Variants in CYFIP2 observed in about 807,000 individuals in gnomAD.
CYFIP2 encodes the protein cytoplasmic FMR1-interacting protein 2.
Under a neutral mutation model 158.7 loss-of-function variants are expected in CYFIP2, and 29 were observed. That is an observed-to-expected ratio of 0.18 (90% CI 0.14 to 0.25). The LOEUF (loss-of-function observed/expected upper bound fraction) is 0.25. Among genes scored for constraint, CYFIP2 ranks in the 10% least tolerant of loss-of-function variants. CYFIP2 has a pLI of 1.00. For synonymous variants in CYFIP2, 585 were observed against 617.6 expected (o/e 0.95, Z 0.78); for missense variants, 852 against 1,639.5 (o/e 0.52, Z 8.29).
chr5:157,290,833 C>G (rs1282397304), intron 3 of CYFIP2, among the ~76,000 whole-genome samples: 1 of 152,164 alleles, frequency 6.6e-6, no homozygotes, highest in Non-Finnish European at 1.5e-5. Flanking sequence ...CTCCTGTCCC[C>G]ACTTGGGCAA....
intron 3 of CYFIP2, among the ~76,000 whole-genome samples, chr5:157,294,123 A>G (rs1375145128): frequency 6.6e-6 from 1 of 152,256 alleles, no homozygotes; most frequent in Non-Finnish European, 1.5e-5. Context: ...GATTATGGAA[A>G]GTATGCCTAC....
Position 157,302,782 on chromosome 5 carries a change from T to C in CYFIP2, c.570-12T>C. On this transcript the variant is annotated splice_polypyrimidine_tract_variant and intron_variant, in intron 6 of 30. Coordinates refer to ENST00000620254, the MANE Select transcript of CYFIP2 (RefSeq NM_001037333.3). ...ACAGTCCTCTCTGCAGCACCCACTA[T>C]CTGCGTTTCAGGGCAGCACAGTTCC... 6.4e-7 allele frequency: 1 copy of C among 1,565,554 alleles called. No homozygotes were observed. Among genetic ancestry groups the C allele is most frequent in the Non-Finnish European group, 8.7e-7 (1 of 1,154,504 alleles).
intron 23 of CYFIP2, among the ~76,000 whole-genome samples, chr5:157,357,483 C>T (rs966123404): frequency 6.6e-6 from 1 of 152,152 alleles, no homozygotes; most frequent in Admixed American, 6.5e-5. Context: ...CCATAAATTG[C>T]ATGTTCCATG....
chr5:157,348,892 G>C (rs1453173875), intron 23 of CYFIP2, among the ~76,000 whole-genome samples: 2 of 151,508 alleles, frequency 1.3e-5, no homozygotes, highest in Non-Finnish European at 2.9e-5. Flanking sequence ...TGCCATTGCA[G>C]TGAACCAAGA....
intron 21 of CYFIP2, among the ~76,000 whole-genome samples, chr5:157,335,062 TA>T (rs1391415834): frequency 3.3e-5 from 5 of 152,170 alleles, no homozygotes; most frequent in African/African-American, 1.2e-4. Context: ...GTGGACAAAG[TA>T]TAAAAATAAA....
intron 5 of CYFIP2, among the ~76,000 whole-genome samples, chr5:157,298,475 A>G (rs955456623): frequency 1.3e-5 from 2 of 149,708 alleles, no homozygotes; most frequent in African/African-American, 2.5e-5. Flanking sequence ...AGCCAGGACC[A>G]CAGGTGTGTG....
At chr5:157,315,727 T>C (rs895077483) in intron 13 of CYFIP2, among the ~76,000 whole-genome samples, 1 of 152,226 alleles carries the variant, frequency 6.6e-6, no homozygotes, top group East Asian at 1.9e-4. Flanking sequence ...ATGAAACAAC[T>C]TAAATGTTCT....
At chr5:157,316,149 A>G (rs901954121) in intron 13 of CYFIP2, among the ~76,000 whole-genome samples, 3 of 152,198 alleles carry the variant, frequency 2.0e-5, no homozygotes, top group Non-Finnish European at 4.4e-5. Context: ...TATGCTCAGC[A>G]TATTGTTAAG....
chr5:157,268,543 C>G (rs1755808278), intron 1 of CYFIP2, among the ~76,000 whole-genome samples: 1 of 152,188 alleles, frequency 6.6e-6, no homozygotes, highest in South Asian at 2.1e-4. Context: ...GGGAAAAGCG[C>G]TCCTGGAAAA....
chr5:157,312,376 A>T (rs543924539), intron 11 of CYFIP2, among the ~76,000 whole-genome samples: 127 of 152,162 alleles, frequency 8.3e-4, no homozygotes, highest in African/African-American at 2.7e-3. Context: ...TCAGGAAAAA[A>T]ACCCAAATAA....
intron 28 of CYFIP2, 151 bp from the exon 29 acceptor site, chr5:157,389,038 A>T: frequency 1.6e-6 from 1 of 608,886 alleles, no homozygotes; most frequent in Non-Finnish European, 2.7e-6. Context: ...TGCATTCAGG[A>T]TCATCAATTT....
At position 157,311,597 on chromosome 5, in the gene CYFIP2, G is replaced by A; in HGVS notation, c.993-67G>A. 7.0e-7 allele frequency: 1 copy of A among 1,435,824 alleles called. No individual in the cohort carries two copies. 88.9% of individuals were successfully genotyped at this position (1,435,824 alleles called of 1,614,324 possible). The stretch of plus-strand genomic sequence containing the variant: ...CCACGTGGGCTGAGCACCAGGAGCA[G>A]CTAATGCCTGTTCCACCCAGGCGCC... On this transcript the variant is annotated intron_variant, in intron 10 of 30. Transcript: ENST00000620254. This position sits in a 1 kb window ranked among gnomAD's most constrained non-coding sequence, Gnocchi z 4.7.
chr5:157,369,187 C>T (rs1302993030), intron 26 of CYFIP2, among the ~76,000 whole-genome samples: 1 of 152,142 alleles, frequency 6.6e-6, no homozygotes, highest in Non-Finnish European at 1.5e-5. Flanking sequence ...CATGAGCCAC[C>T]GCGCCCGGCC....
intron 7 of CYFIP2, 43 bp from the exon 8 acceptor site, chr5:157,304,194 AG>A: frequency 6.3e-7 from 1 of 1,587,518 alleles, no homozygotes; most frequent in African/African-American, 1.3e-5. Flanking sequence ...GTGAGGGCAC[AG>A]GATACATGCG....
At chr5:157,317,107 T>C (rs1760210227) in intron 13 of CYFIP2, among the ~76,000 whole-genome samples, 1 of 152,224 alleles carries the variant, frequency 6.6e-6, no homozygotes, top group East Asian at 1.9e-4. Context: ...GCGTATGCAC[T>C]GTAAGTGATT....
intron 30 of CYFIP2, among the ~76,000 whole-genome samples, chr5:157,392,303 A>G: frequency 6.6e-6 from 1 of 152,206 alleles, no homozygotes; most frequent in Non-Finnish European, 1.5e-5. Flanking sequence ...TTATTGCCAA[A>G]TCCAACATCA....
intron 26 of CYFIP2, chr5:157,364,124 C>T (rs1343106199): frequency 6.8e-6 from 1 of 146,788 alleles, no homozygotes; most frequent in Non-Finnish European, 1.5e-5. Flanking sequence ...GCAACGTAGC[C>T]CTCAGAAGTC....
chr5:157,295,382 T>C (rs1412146884), intron 4 of CYFIP2, among the ~76,000 whole-genome samples: 1 of 152,276 alleles, frequency 6.6e-6, no homozygotes, highest in East Asian at 1.9e-4. Context: ...CATACAGATA[T>C]TTTTATTACC....
rs545486049 is a variant in CYFIP2, at chr5:157,311,271, G to T, written c.993-393G>T. 2.7e-6 allele frequency: 1 copy of T among 371,496 alleles called. No homozygotes were observed. Among genetic ancestry groups the T allele is most frequent in the East Asian group, 7.1e-5 (1 of 13,994 alleles). The allele number at this position is 371,496 out of a possible 1,614,324, so 23.0% of individuals were successfully genotyped here. A position where few individuals can be genotyped will look rare whatever the true frequency, so the allele number is the denominator to read the frequency against. ...CCCCAAAGCCAGCTTCAACCGCAGA[G>T]TGTCTGTGCTGTCAGAGTGGGTAGG... On this transcript the variant is annotated intron_variant, in intron 10 of 30. Transcript: ENST00000620254. The surrounding 1 kb of genome is among the most constrained non-coding windows in gnomAD (Gnocchi z 4.7).
Sources: gnomAD v4.1 joint callset for allele counts (sites outside exome capture counted in the v4.1 genomes callset) on GRCh38, gnomAD v4.1.1 for gene constraint, Gnocchi (gnomAD v3.1) non-coding constraint, MANE v1.5 for transcripts, NCBI Gene and HGNC (gene_info 2026-07-23, HGNC 2026-07-21) for gene names.